The following OTOG variants were observed in gnomAD, a reference collection of about 807,000 sequenced individuals.
OTOG encodes otogelin.
OTOG carries 296 observed loss-of-function variants against 313.8 expected under a neutral mutation model. That is an observed-to-expected ratio of 0.94 (90% CI 0.86 to 1.04). The LOEUF (loss-of-function observed/expected upper bound fraction) is 1.04, where lower values mean the gene tolerates loss of function less well. Ranked by LOEUF, OTOG falls within the 50% of genes least tolerant of loss-of-function variation. The pLI is 0.00. For synonymous variants in OTOG, 1,533 were observed against 1,554.9 expected, an observed-to-expected ratio of 0.99 and a Z score of 0.33; for missense variants, 3,948 against 3,840.1, an observed-to-expected ratio of 1.03 and a Z score of -0.74.
chr11:17,584,317 T>C (rs76510089), intron 23 of OTOG, among the ~76,000 whole-genome samples: 7,130 of 152,282 alleles, frequency 0.047, 481 homozygotes, highest in African/African-American at 0.14. Context: ...TTGTGCTGTA[T>C]TGGACTTACA....
chr11:17,554,678 C>T (rs1195351598), intron 6 of OTOG, among the ~76,000 whole-genome samples: 3 of 152,176 alleles, frequency 2.0e-5, no homozygotes, highest in South Asian at 4.1e-4. Flanking sequence ...GGGGCCATGC[C>T]CTGGATGGGC....
At chr11:17,554,938 T>C (rs989005976) in intron 6 of OTOG, among the ~76,000 whole-genome samples, 2 of 152,248 alleles carry the variant, frequency 1.3e-5, no homozygotes, top group African/African-American at 2.4e-5. Flanking sequence ...TTTTTAGTTA[T>C]ATATATTTCT....
rs111705754 is a variant in OTOG, at chr11:17,633,927, G to A, written c.7267+53G>A. The A allele has an allele frequency of 8.9e-5, 132 of 1,489,380 alleles. No individual in the cohort carries two copies. In the South Asian group the frequency reaches 9.9e-4, roughly 11 times the overall value. 92.3% of individuals were successfully genotyped at this position (1,489,380 alleles called of 1,614,324 possible). On this transcript the variant is annotated intron_variant, in intron 43 of 55. Transcript: ENST00000399397. The stretch of plus-strand genomic sequence containing the variant: ...GGCCTCCAAAGCCAGCCTCAGCCTC[G>A]CCTCCTGCTGTCCACAGCTGAGTCC...
intron 29 of OTOG, among the ~76,000 whole-genome samples, chr11:17,596,421 T>G (rs1853110308): frequency 6.6e-6 from 1 of 152,254 alleles, no homozygotes; most frequent in African/African-American, 2.4e-5. Flanking sequence ...GAAGTTCTTC[T>G]AAATGGTGGA....
At position 17,612,289 on chromosome 11, in the gene OTOG, G is replaced by T. The variant is rs1395557172; in HGVS notation, c.6251G>T (p.Arg2084Leu). 1 of 1,541,684 alleles carries T rather than the reference G, an allele frequency of 6.5e-7. No homozygotes were observed. Among genetic ancestry groups the T allele is most frequent in the Non-Finnish European group, 8.7e-7 (1 of 1,146,670 alleles). The change falls in exon 37 of 56, where the codon CGG becomes CTG. Residue 2084 changes from arginine (R) to leucine (L), a missense_variant. Arg to Leu is a moderately radical substitution (Grantham distance 102). Coordinates refer to ENST00000399397, the MANE Select transcript of OTOG (RefSeq NM_001292063.2). ...PRCGILGLAV[R>L]VGGDRCCPLW... ...TGTGGGATCCTGGGCCTCGCCGTGC[G>T]GGTGGGTGGGGACCGCTGCTGCCCA...
In OTOG at chr11:17,634,774, G is replaced by A. The variant is rs145525806; in HGVS notation, c.7481-70G>A. The A allele has an allele frequency of 8.4e-5, 113 of 1,338,412 alleles. 1 individual carries two copies. In the African/African-American group the frequency reaches 1.2e-3, roughly 14 times the overall value. 82.9% of individuals were successfully genotyped at this position (1,338,412 alleles called of 1,614,324 possible). Reference sequence around the variant, plus strand: ...CGTCCAGGGGTTGGGCAGTTGTCCAGTGTTCTCCACTGGAGAGCAGTGGGG... The same window carrying A: ...CGTCCAGGGGTTGGGCAGTTGTCCAATGTTCTCCACTGGAGAGCAGTGGGG... On this transcript the variant is annotated intron_variant, in intron 44 of 55. Coordinates refer to ENST00000399397, the MANE Select transcript of OTOG (RefSeq NM_001292063.2).
intron 23 of OTOG, among the ~76,000 whole-genome samples, chr11:17,581,146 C>A (rs1293176364): frequency 6.6e-6 from 1 of 152,128 alleles, no homozygotes; most frequent in Non-Finnish European, 1.5e-5. Flanking sequence ...GAGCACCCAG[C>A]AGTTCACCCT....
Position 17,561,067 on chromosome 11 carries a change from G to A in OTOG, c.1452-24G>A, listed in dbSNP as rs769181702. Reference sequence around the variant, plus strand: ...CTCAGGCCTGGAGGGGTGACCTCTTGCCTCCTTGGTCTCTGTGTTTTAGCA... The same window carrying A: ...CTCAGGCCTGGAGGGGTGACCTCTTACCTCCTTGGTCTCTGTGTTTTAGCA... On this transcript the variant is annotated intron_variant, in intron 13 of 55. Transcript: ENST00000399397. 3 of 1,550,412 alleles carry A rather than the reference G, an allele frequency of 1.9e-6. No homozygotes were observed. In the African/African-American group the frequency reaches 4.1e-5, roughly 21 times the overall value.
At chr11:17,644,801 CA>C in intron 54 of OTOG, among the ~76,000 whole-genome samples, 1 of 152,290 alleles carries the variant, frequency 6.6e-6, no homozygotes, top group East Asian at 1.9e-4. Flanking sequence ...TCTGACAAGA[CA>C]GTGATTGTCC....
chr11:17,606,188 C>T (rs1853385217), intron 33 of OTOG, 53 bp downstream of exon 33: 6 of 1,477,848 alleles, frequency 4.1e-6, no homozygotes, highest in Non-Finnish European at 5.4e-6. Context: ...CAGTCCACTG[C>T]TCTTCCCACC....
intron 11 of OTOG, 29 bp downstream of exon 11, chr11:17,559,190 A>G: frequency 6.8e-7 from 1 of 1,475,486 alleles, no homozygotes; most frequent in Non-Finnish European, 9.1e-7. Flanking sequence ...TGGGGCAGGG[A>G]GGCCTTCAGG....
At position 17,620,451 on chromosome 11, in the gene OTOG, C is replaced by T. The variant is rs572452906; in HGVS notation, c.6528+6750C>T. ...TATTTTTATGGCTGGAATAATATTC[C>T]ATTGTATGTATATACCACAGTTTGT... is the stretch of plus-strand genomic sequence containing the variant. On this transcript the variant is annotated intron_variant, in intron 39 of 55. Transcript: ENST00000399397. 3.3e-5 allele frequency among the ~76,000 whole-genome samples: 5 copies of T among 152,232 alleles called. No individual in the cohort carries two copies. The South Asian group carries it at 1.0e-3, about 32-fold the overall frequency.
intron 32 of OTOG, among the ~76,000 whole-genome samples, chr11:17,605,369 G>A (rs933795100): frequency 6.6e-6 from 1 of 152,174 alleles, no homozygotes; most frequent in African/African-American, 2.4e-5. Flanking sequence ...TGGCCCTGTG[G>A]AATTCTGTGA....
chr11:17,627,139 G>A (rs1045304766), intron 39 of OTOG, among the ~76,000 whole-genome samples: 4 of 152,062 alleles, frequency 2.6e-5, no homozygotes, highest in Non-Finnish European at 5.9e-5. Flanking sequence ...CTCTAGGTAG[G>A]ACTTCTAATA....
At chr11:17,609,523 G>C in intron 35 of OTOG, 132 bp from the exon 36 acceptor site, 1 of 850,180 alleles carries the variant, frequency 1.2e-6, no homozygotes, top group Non-Finnish European at 1.8e-6. Flanking sequence ...GCTGACATCT[G>C]GCCGTTAGAA....
At chr11:17,633,636 G>T in intron 42 of OTOG, 44 bp from the exon 43 acceptor site, 2 of 1,472,020 alleles carry the variant, frequency 1.4e-6, no homozygotes, top group East Asian at 2.5e-5. Flanking sequence ...GGGGAGCCCT[G>T]CCTGGGGTCT....
Position 17,558,571 on chromosome 11 carries a change from C to A in OTOG, c.1030C>A (p.Pro344Thr), listed in dbSNP as rs766912464. The A allele has an allele frequency of 7.7e-6, 12 of 1,550,308 alleles. No individual in the cohort carries two copies. The highest frequency in any genetic ancestry group is 4.1e-5 in the African/African-American group (3 of 73,060). Residue 344 changes from proline to threonine, a missense_variant, in exon 10 of 56, where the codon CCC (proline) becomes ACC (threonine). By Grantham distance (38) the Pro-to-Thr change is conservative. Transcript: ENST00000399397. ...CGAGCAGTGTGAGGCTCTACTGCGG[C>A]CCCCCTTTGACGCCTGCCACGCCTA... Reference protein sequence around the residue: ...VYEQCEALLRPPFDACHAYVS... With the variant: ...VYEQCEALLRTPFDACHAYVS...
Position 17,561,722 on chromosome 11 carries a change from T to A in OTOG, c.1559T>A (p.Phe520Tyr). The A allele has an allele frequency of 6.5e-7, 1 of 1,550,330 alleles. No individual in the cohort carries two copies. Among genetic ancestry groups the A allele is most frequent in the East Asian group, 2.4e-5 (1 of 40,888 alleles). ...ACCTTTGATGGCCGCCGGTACACGT[T>A]CCCCGCCACATGTCAGTACATCCTG... ...FTTFDGRRYT[F>Y]PATCQYILAK... is the part of the protein sequence containing the mutation. The change falls in exon 15 of 56, where the codon TTC becomes TAC. Residue 520 changes from phenylalanine to tyrosine, a missense_variant. Coordinates refer to ENST00000399397, the MANE Select transcript of OTOG (RefSeq NM_001292063.2).
intron 14 of OTOG, 114 bp downstream of exon 14, chr11:17,561,251 T>C (rs1171831445): frequency 2.4e-6 from 3 of 1,225,932 alleles, no homozygotes; most frequent in African/African-American, 1.5e-5. Flanking sequence ...CTCAGTTCCA[T>C]TGGCTACGCC....
Sources: allele counts gnomAD v4.1 joint callset (sites outside exome capture counted in the v4.1 genomes callset), GRCh38; gene constraint gnomAD v4.1.1; transcripts MANE v1.5; gene names NCBI Gene and HGNC (gene_info 2026-07-23, HGNC 2026-07-21).